The following UNC80 variants were observed in gnomAD, a reference collection of about 807,000 sequenced individuals.
UNC80 encodes the protein protein unc-80 homolog.
UNC80 carries 164 observed loss-of-function variants against 384.6 expected under a neutral mutation model. The observed-to-expected ratio is 0.43, with a 90% confidence interval of 0.38 to 0.49. The LOEUF (loss-of-function observed/expected upper bound fraction) is 0.49, where lower values mean the gene tolerates loss of function less well. Among genes scored for constraint, UNC80 ranks in the 20% least tolerant of loss-of-function variants. UNC80 has a pLI of 0.00. For synonymous variants in UNC80, 1,486 were observed against 1,527.8 expected (o/e 0.97, Z 0.64); for missense variants, 3,330 against 4,143.0 (o/e 0.80, Z 5.39).
chr2:209,895,798 A>T (rs1390852292), intron 27 of UNC80, among the ~76,000 whole-genome samples: 3 of 152,232 alleles, frequency 2.0e-5, no homozygotes, highest in Non-Finnish European at 4.4e-5. Flanking sequence ...ACAGTTGGAC[A>T]TAATTGCTTC....
chr2:209,952,825 C>T (rs984000054), intron 47 of UNC80, among the ~76,000 whole-genome samples: 2 of 152,138 alleles, frequency 1.3e-5, no homozygotes, highest in Admixed American at 1.3e-4. Flanking sequence ...CTTCTTGCCT[C>T]CTTTTTCAAG....
chr2:209,772,034 G>C lies in UNC80; in HGVS notation c.-39G>C. On this transcript the variant is annotated 5_prime_UTR_variant, in exon 1 of 65. Transcript: ENST00000673920. ...GGCGGCGGCGGCTAGCGAGGAGACA[G>C]AGCTGGGTCCTGCAGTAGGACTCCC... 6.8e-7 allele frequency: 1 copy of C among 1,466,012 alleles called. No individual in the cohort carries two copies. Among genetic ancestry groups the C allele is most frequent in the Non-Finnish European group, 9.3e-7 (1 of 1,071,116 alleles). 90.8% of individuals were successfully genotyped at this position (1,466,012 alleles called of 1,614,324 possible). A position where few individuals can be genotyped will look rare whatever the true frequency, so the allele number is the denominator to read the frequency against.
intron 4 of UNC80, among the ~76,000 whole-genome samples, chr2:209,783,199 T>G (rs1305146622): frequency 6.6e-6 from 1 of 152,202 alleles, no homozygotes; most frequent in Non-Finnish European, 1.5e-5. Context: ...TGCCTCTACG[T>G]GTACTTACAC....
At chr2:209,803,849 C>T (rs2078711517) in intron 7 of UNC80, among the ~76,000 whole-genome samples, 1 of 152,264 alleles carries the variant, frequency 6.6e-6, no homozygotes, top group South Asian at 2.1e-4. Flanking sequence ...TCTTCTGCCA[C>T]AGCCTCCCAA....
intron 2 of UNC80, among the ~76,000 whole-genome samples, chr2:209,773,733 G>T (rs1013542507): frequency 2.6e-5 from 4 of 152,200 alleles, no homozygotes; most frequent in Non-Finnish European, 4.4e-5. Flanking sequence ...TATAGTGGAA[G>T]TTCATATGAT....
At chr2:209,802,137 C>G (rs2078601925) in intron 7 of UNC80, among the ~76,000 whole-genome samples, 1 of 151,930 alleles carries the variant, frequency 6.6e-6, no homozygotes, top group Non-Finnish European at 1.5e-5. Context: ...TGGTAGTTAT[C>G]AGAAGCTGGG....
intron 26 of UNC80, 68 bp downstream of exon 26, chr2:209,888,328 G>A: frequency 2.0e-6 from 3 of 1,487,728 alleles, no homozygotes; most frequent in South Asian, 1.3e-5. Context: ...TTGCACTAGG[G>A]TCTAAACTAC....
intron 8 of UNC80, among the ~76,000 whole-genome samples, chr2:209,814,345 C>G (rs562534314): frequency 6.6e-6 from 1 of 152,164 alleles, no homozygotes; most frequent in Admixed American, 6.5e-5. Context: ...ACGCCATTCT[C>G]CTGCCTCAGC....
At chr2:209,956,969 A>G (rs1002692128) in intron 48 of UNC80, among the ~76,000 whole-genome samples, 3 of 152,236 alleles carry the variant, frequency 2.0e-5, no homozygotes, top group African/African-American at 7.2e-5. Flanking sequence ...TGATGATTTC[A>G]TAAAAGCAGT....
chr2:209,923,759 A>G (rs2090223368), intron 35 of UNC80, among the ~76,000 whole-genome samples: 2 of 152,154 alleles, frequency 1.3e-5, no homozygotes, highest in African/African-American at 4.8e-5. Context: ...TGCTATCTGT[A>G]TGGCATATCT....
chr2:209,981,470 C>G (rs575198152), intron 59 of UNC80, among the ~76,000 whole-genome samples: 3 of 152,308 alleles, frequency 2.0e-5, no homozygotes, highest in East Asian at 3.9e-4. Context: ...CCCAGCTACT[C>G]TGGAGGCTGA....
chr2:209,890,803 G>C (rs950014019), intron 26 of UNC80, among the ~76,000 whole-genome samples: 1 of 152,198 alleles, frequency 6.6e-6, no homozygotes, highest in Non-Finnish European at 1.5e-5. Context: ...AATAGCTATT[G>C]TTGTTGGGTT....
chr2:209,995,754 A>G lies in UNC80; in HGVS notation c.*159A>G, dbSNP rs967239513. The G allele has an allele frequency of 1.3e-6, 1 of 798,458 alleles. No homozygotes were observed. The highest frequency in any genetic ancestry group is 1.7e-5 in the African/African-American group (1 of 57,354). 49.5% of individuals were successfully genotyped at this position (798,458 alleles called of 1,614,324 possible). A position where few individuals can be genotyped will look rare whatever the true frequency, so the allele number is the denominator to read the frequency against. Reference sequence around the variant, plus strand: ...ATAGGTTTTGCTGCCAATACACATGATGTTTCATAAACATCTTAAAAGTCA... The same window carrying G: ...ATAGGTTTTGCTGCCAATACACATGGTGTTTCATAAACATCTTAAAAGTCA... On this transcript the variant is annotated 3_prime_UTR_variant, in exon 65 of 65. Transcript: ENST00000673920.
chr2:209,798,665 A>AT (rs1182456698), intron 7 of UNC80, among the ~76,000 whole-genome samples: 2 of 149,954 alleles, frequency 1.3e-5, no homozygotes, highest in African/African-American at 4.9e-5. Flanking sequence ...TTTTATTTTT[A>AT]TTTTTTTATT....
At chr2:209,982,391 T>C in intron 60 of UNC80, 74 bp downstream of exon 60, 12 of 1,438,040 alleles carry the variant, frequency 8.3e-6, no homozygotes, top group Non-Finnish European at 1.1e-5. Context: ...ACTCCTGTTA[T>C]TCTACAAAGA....
In UNC80 at chr2:209,849,463, T is replaced by G. The variant is rs1490443462; in HGVS notation, c.3467T>G (p.Phe1156Cys). The change falls in exon 22 of 65, where the codon TTT becomes TGT. Residue 1156 changes from phenylalanine (F) to cysteine (C), a missense_variant. Around this residue, in one of 8 missense-constraint regions of UNC80, gnomAD observed 801 missense variants for 950.8 expected, o/e 0.84. Transcript: ENST00000673920. ...ACCACCTTTACAGGTTGCCACAGTTTTGATGATCATCTCTCTCCCAACCAA... is the reference window on the plus strand; with the variant it reads ...ACCACCTTTACAGGTTGCCACAGTTGTGATGATCATCTCTCTCCCAACCAA... ...NFFKRLGCHS[F>C]DDHLSPNQDG... The G allele has an allele frequency of 6.4e-7, 1 of 1,550,740 alleles. No homozygotes were observed. Among genetic ancestry groups the G allele is most frequent in the Non-Finnish European group, 8.7e-7 (1 of 1,146,384 alleles).
intron 45 of UNC80, among the ~76,000 whole-genome samples, chr2:209,944,041 C>T (rs2091788561): frequency 6.6e-6 from 1 of 152,140 alleles, no homozygotes; most frequent in Non-Finnish European, 1.5e-5. Flanking sequence ...ATGATTTAGT[C>T]ATTGACAGTT....
rs1559186028 is a variant in UNC80 at position 209,844,484 on chromosome 2, C to CTTT, written c.3454+2040_3454+2041insTTT. 3.2e-4 allele frequency among the ~76,000 whole-genome samples: 20 copies of CTTT among 62,968 alleles called. 2 individuals are homozygous for CTTT. The highest frequency in any genetic ancestry group is 4.9e-4 in the Non-Finnish European group (16 of 32,580). 41.3% of individuals were successfully genotyped at this position (62,968 alleles called of 152,430 possible). On this transcript the variant is annotated intron_variant, in intron 21 of 64. Coordinates refer to ENST00000673920, the MANE Select transcript of UNC80 (RefSeq NM_001371986.1). ...CTTTCTTTCTTTCTTTCTTTCCTTC[C>CTTT]TTCCTTCCTTCCTTCCTTCCTTCCT...
chr2:209,882,645 C>T (rs1164766764), intron 25 of UNC80, among the ~76,000 whole-genome samples: 1 of 152,126 alleles, frequency 6.6e-6, no homozygotes, highest in Non-Finnish European at 1.5e-5. Flanking sequence ...TCTGTAAAAT[C>T]AAATCAAGGC....
Sources: allele counts gnomAD v4.1 joint callset (sites outside exome capture counted in the v4.1 genomes callset), GRCh38; gene constraint gnomAD v4.1.1; regional missense constraint gnomAD v4.1.1; transcripts MANE v1.5; gene names NCBI Gene and HGNC (gene_info 2026-07-23, HGNC 2026-07-21).